Variants in CSTPP1 observed in about 807,000 individuals in gnomAD.
The protein encoded by CSTPP1 is UPF0705 protein C11orf49.
At chr11:47,145,154 A>T in the CSTPP1 span, among the ~76,000 whole-genome samples, 1 of 151,804 alleles carries the variant, frequency 6.6e-6, no homozygotes, top group African/African-American at 2.4e-5. Context: ...TGCCTGGCTA[A>T]TTTTTGTATT....
the CSTPP1 span, among the ~76,000 whole-genome samples, chr11:47,149,681 C>A: frequency 6.6e-6 from 1 of 152,154 alleles, no homozygotes; most frequent in Non-Finnish European, 1.5e-5. Flanking sequence ...TCTCAGCATT[C>A]ATTTGGAGAC....
At chr11:47,161,117 G>A in the CSTPP1 span, 3 of 1,614,126 alleles carry the variant, frequency 1.9e-6, no homozygotes, top group Admixed American at 5.0e-5. Flanking sequence ...TGCCCCCAAT[G>A]ATCTCCTAGG....
At chr11:46,987,193 G>A in the CSTPP1 span, 1 of 1,611,022 alleles carries the variant, frequency 6.2e-7, no homozygotes. Context: ...TTTCTCTCTT[G>A]CTATTTGATT....
At chr11:47,069,726 T>G in the CSTPP1 span, among the ~76,000 whole-genome samples, 1 of 152,120 alleles carries the variant, frequency 6.6e-6, no homozygotes, top group South Asian at 2.1e-4. Context: ...ATTTTTTTTT[T>G]GAGACAGAGT....
At chr11:46,936,869 C>T in the CSTPP1 span, 2 of 1,550,690 alleles carry the variant, frequency 1.3e-6, no homozygotes, top group Non-Finnish European at 1.7e-6. Context: ...CCCCCTTTAA[C>T]TTTGGGGAGG....
chr11:47,081,576 A>G, the CSTPP1 span, among the ~76,000 whole-genome samples: 8 of 152,194 alleles, frequency 5.3e-5, no homozygotes, highest in Non-Finnish European at 1.0e-4. Flanking sequence ...CTCCATCACC[A>G]CACTCTTCAT....
chr11:46,963,603 G>A, the CSTPP1 span, among the ~76,000 whole-genome samples: 1 of 151,884 alleles, frequency 6.6e-6, no homozygotes, highest in East Asian at 1.9e-4. Context: ...GGCCAACATG[G>A]TGAAACCCGT....
the CSTPP1 span, among the ~76,000 whole-genome samples, chr11:46,985,914 T>G: frequency 6.6e-6 from 1 of 152,226 alleles, no homozygotes; most frequent in Non-Finnish European, 1.5e-5. Flanking sequence ...CTCTCTGTAA[T>G]CCAAAGCCCA....
chr11:47,011,198 C>A, the CSTPP1 span, among the ~76,000 whole-genome samples: 8 of 151,750 alleles, frequency 5.3e-5, no homozygotes, highest in African/African-American at 9.7e-5. Flanking sequence ...AACTTTTTAT[C>A]AAAAAAAACT....
At chr11:47,152,510 G>GACTTAA in the CSTPP1 span, among the ~76,000 whole-genome samples, 1 of 152,170 alleles carries the variant, frequency 6.6e-6, no homozygotes, top group East Asian at 1.9e-4. Context: ...TCAGCATTAA[G>GACTTAA]GCTTCCGCGA....
chr11:47,074,682 C>T, the CSTPP1 span, among the ~76,000 whole-genome samples: 3 of 152,210 alleles, frequency 2.0e-5, no homozygotes, highest in Non-Finnish European at 4.4e-5. Context: ...ACCCTAAATG[C>T]TGTAGCCATG....
chr11:47,111,581 T>A, the CSTPP1 span, among the ~76,000 whole-genome samples: 2 of 152,170 alleles, frequency 1.3e-5, no homozygotes, highest in Admixed American at 1.3e-4. Context: ...TCCTTCCCTG[T>A]CTTTTATTGA....
chr11:47,142,093 A>G, the CSTPP1 span, among the ~76,000 whole-genome samples: 1 of 150,456 alleles, frequency 6.6e-6, no homozygotes, highest in East Asian at 2.0e-4. Context: ...AAATACAAAA[A>G]TTAGCTGGGC....
At chr11:47,053,778 CA>C in the CSTPP1 span, among the ~76,000 whole-genome samples, 1 of 150,666 alleles carries the variant, frequency 6.6e-6, no homozygotes, top group Admixed American at 6.6e-5. Context: ...TTCGTCTCTA[CA>C]AAAAAATAAA....
the CSTPP1 span, among the ~76,000 whole-genome samples, chr11:46,974,797 G>A: frequency 2.0e-5 from 3 of 151,872 alleles, no homozygotes; most frequent in Non-Finnish European, 2.9e-5. Flanking sequence ...AGAGGTTGCA[G>A]TGAGCTGAGA....
chr11:46,992,999 AT>A, the CSTPP1 span, among the ~76,000 whole-genome samples: 1 of 152,062 alleles, frequency 6.6e-6, no homozygotes, highest in Non-Finnish European at 1.5e-5. Flanking sequence ...GATGATGAGC[AT>A]TTTTTCATGT....
At chr11:47,059,185 T>G in the CSTPP1 span, among the ~76,000 whole-genome samples, 1 of 152,028 alleles carries the variant, frequency 6.6e-6, no homozygotes, top group African/African-American at 2.4e-5. Context: ...ACACACCAGG[T>G]CCTGTTGGGG....
the CSTPP1 span, chr11:47,157,321 T>TA: frequency 4.8e-5 from 61 of 1,283,966 alleles, no homozygotes; most frequent in Admixed American, 3.3e-4. Context: ...CCAGGCATTC[T>TA]AGGGCCCTTG....
the CSTPP1 span, chr11:47,161,634 C>A: frequency 6.2e-7 from 1 of 1,611,162 alleles, no homozygotes; most frequent in Non-Finnish European, 8.5e-7. Context: ...GAGTCGGAGA[C>A]TTGAGGAGTC....
Sources: allele counts gnomAD v4.1 joint callset (sites outside exome capture counted in the v4.1 genomes callset), GRCh38; gene constraint gnomAD v4.1.1; transcripts MANE v1.5; gene names NCBI Gene and HGNC (gene_info 2026-07-23, HGNC 2026-07-21).